The following RAP1GAP2 variants were observed in gnomAD, a reference collection of about 807,000 sequenced individuals.
RAP1GAP2 encodes the protein RAP1 GTPase activating protein 2, also known as rap1 GTPase-activating protein 2.
RAP1GAP2 carries 27 observed loss-of-function variants against 95.0 expected under a neutral mutation model. That is an observed-to-expected ratio of 0.28 (90% CI 0.21 to 0.39). The LOEUF (loss-of-function observed/expected upper bound fraction) is 0.39. Among genes scored for constraint, RAP1GAP2 ranks in the 10% least tolerant of loss-of-function variants. The pLI, the probability that RAP1GAP2 is intolerant of heterozygous loss-of-function variation, is 1.00. For missense variants in RAP1GAP2, 771 were observed against 970.0 expected (o/e 0.79, Z 2.72); for synonymous variants, 373 against 380.9 (o/e 0.98, Z 0.24).
chr17:2,848,803 C>T (rs887260384), intron 2 of RAP1GAP2, among the ~76,000 whole-genome samples: 3 of 152,178 alleles, frequency 2.0e-5, no homozygotes, highest in Admixed American at 1.3e-4. Context: ...CGTGAGCCAC[C>T]GCACCCGGCC....
At chr17:2,949,392 A>T (rs540164075) in intron 3 of RAP1GAP2, among the ~76,000 whole-genome samples, 2 of 152,352 alleles carry the variant, frequency 1.3e-5, no homozygotes, top group Non-Finnish European at 1.5e-5. Context: ...AATGCCAGTG[A>T]GTCAGTGAGC....
chr17:2,916,812 T>G (rs2042586010), intron 3 of RAP1GAP2, among the ~76,000 whole-genome samples: 1 of 152,178 alleles, frequency 6.6e-6, no homozygotes, highest in African/African-American at 2.4e-5. Context: ...CAGTCAGGGC[T>G]TCTCTCTAGG....
chr17:2,917,022 T>G (rs949969919), intron 3 of RAP1GAP2, among the ~76,000 whole-genome samples: 9 of 152,230 alleles, frequency 5.9e-5, no homozygotes, highest in Admixed American at 5.2e-4. Context: ...AACAGCTGGC[T>G]GGGTTCGTAG....
chr17:2,998,187 A>G, intron 13 of RAP1GAP2, 34 bp from the exon 14 acceptor site: 1 of 1,594,334 alleles, frequency 6.3e-7, no homozygotes, highest in Non-Finnish European at 8.6e-7. Context: ...GATTTTCCTA[A>G]CTGGCTTATA....
chr17:2,819,039 G>A (rs2070165265), intron 2 of RAP1GAP2, among the ~76,000 whole-genome samples: 1 of 149,194 alleles, frequency 6.7e-6, no homozygotes, highest in Non-Finnish European at 1.5e-5. Flanking sequence ...TTTTTTTTGA[G>A]ACAGAGTCTC....
intron 2 of RAP1GAP2, among the ~76,000 whole-genome samples, chr17:2,831,219 G>A (rs1249812181): frequency 1.4e-5 from 2 of 147,644 alleles, no homozygotes; most frequent in Non-Finnish European, 3.0e-5. Context: ...TGGGACTACA[G>A]GCACCTGCCA....
intron 8 of RAP1GAP2, among the ~76,000 whole-genome samples, chr17:2,979,803 A>T (rs1376939206): frequency 6.6e-6 from 1 of 152,018 alleles, no homozygotes; most frequent in Non-Finnish European, 1.5e-5. Context: ...CAGCATGCCT[A>T]AGTAGGATTC....
chr17:3,007,371 G>A (rs1175017303), intron 16 of RAP1GAP2, among the ~76,000 whole-genome samples: 2 of 152,228 alleles, frequency 1.3e-5, no homozygotes, highest in East Asian at 1.9e-4. Flanking sequence ...GCAGGAAGGC[G>A]GCCAGTTAGA....
chr17:3,029,316 G>T lies in RAP1GAP2; in HGVS notation c.2108-1606G>T, dbSNP rs149476651. Among the ~76,000 whole-genome samples, 1 of 152,292 alleles carries T rather than the reference G, an allele frequency of 6.6e-6. No homozygotes were observed. The highest frequency in any genetic ancestry group is 2.4e-5 in the African/African-American group (1 of 41,556). Reference sequence around the variant, plus strand: ...GCGGGTCTGGTGACTTATGGCCGGTGCTTCCCACACCACACGGTGAGGCTG... The same window carrying T: ...GCGGGTCTGGTGACTTATGGCCGGTTCTTCCCACACCACACGGTGAGGCTG... On this transcript the variant is annotated intron_variant, in intron 22 of 24. Transcript: ENST00000254695. This position sits in a 1 kb window ranked among gnomAD's most constrained non-coding sequence, Gnocchi z 4.4.
intron 2 of RAP1GAP2, among the ~76,000 whole-genome samples, chr17:2,896,425 C>T (rs1003827839): frequency 1.4e-4 from 21 of 152,240 alleles, no homozygotes; most frequent in South Asian, 4.1e-4. Flanking sequence ...GAAGGAGCAC[C>T]GGAATGGGAG....
chr17:2,919,688 C>G (rs1163918747), intron 3 of RAP1GAP2, among the ~76,000 whole-genome samples: 1 of 152,064 alleles, frequency 6.6e-6, no homozygotes, highest in African/African-American at 2.4e-5. Flanking sequence ...CCTTAGCCCT[C>G]TCCTTTTTCC....
intron 2 of RAP1GAP2, among the ~76,000 whole-genome samples, chr17:2,890,014 G>T (rs753760988): frequency 6.7e-6 from 1 of 150,346 alleles, no homozygotes; most frequent in Non-Finnish European, 1.5e-5. Context: ...GTGAGCCCCC[G>T]CACTGGCCTG....
At chr17:2,799,805 A>G (rs57282053) in intron 1 of RAP1GAP2, among the ~76,000 whole-genome samples, 43,376 of 152,062 alleles carry the variant, frequency 0.29, 6,361 homozygotes, top group South Asian at 0.37. Flanking sequence ...CTTGCCAGCC[A>G]TAAGGGCTGG....
intron 3 of RAP1GAP2, among the ~76,000 whole-genome samples, chr17:2,907,191 G>T (rs2042226700): frequency 1.3e-5 from 2 of 152,222 alleles, no homozygotes; most frequent in African/African-American, 4.8e-5. Context: ...GCACCAGAAA[G>T]ATGAAAGGCT....
chr17:2,844,684 A>G (rs2071510547), intron 2 of RAP1GAP2, among the ~76,000 whole-genome samples: 1 of 152,168 alleles, frequency 6.6e-6, no homozygotes, highest in Admixed American at 6.5e-5. Context: ...GATCATTAAC[A>G]CATCAGTGAC....
upstream of RAP1GAP2, among the ~76,000 whole-genome samples, chr17:2,776,338 C>G (rs183216437): frequency 6.6e-6 from 1 of 152,220 alleles, no homozygotes; most frequent in Non-Finnish European, 1.5e-5. Context: ...CAGGAGCCCC[C>G]AGGCCTCACC....
chr17:2,955,929 A>G (rs141827774), intron 3 of RAP1GAP2, among the ~76,000 whole-genome samples: 11 of 152,322 alleles, frequency 7.2e-5, no homozygotes, highest in Non-Finnish European at 1.2e-4. Flanking sequence ...TGCTGCAGTG[A>G]ACATTTGAGC....
At chr17:2,882,764 G>A (rs9909521) in intron 2 of RAP1GAP2, among the ~76,000 whole-genome samples, 32,001 of 152,002 alleles carry the variant, frequency 0.21, 3,456 homozygotes, top group African/African-American at 0.24. Flanking sequence ...ATCATGCTTC[G>A]GGGTGGAGTG....
In RAP1GAP2 at chr17:2,827,665, G is replaced by A. The variant is rs914854830; in HGVS notation, c.80+27115G>A. Among the ~76,000 whole-genome samples the A allele has an allele frequency of 2.0e-5, 3 of 151,986 alleles. No individual in the cohort carries two copies. Among genetic ancestry groups the A allele is most frequent in the Non-Finnish European group, 4.4e-5 (3 of 67,972 alleles). On this transcript the variant is annotated intron_variant, in intron 2 of 24. Coordinates refer to ENST00000254695, the MANE Select transcript of RAP1GAP2 (RefSeq NM_015085.5). The surrounding 1 kb of genome is among the most constrained non-coding windows in gnomAD (Gnocchi z 4.1). ...TCTACTAAAAATACAAAAATTAGCC[G>A]GGCGTGGTGGTACCTGCCTGTAATC...
Sources: gnomAD v4.1 joint callset for allele counts (sites outside exome capture counted in the v4.1 genomes callset) on GRCh38, gnomAD v4.1.1 for gene constraint, Gnocchi (gnomAD v3.1) non-coding constraint, MANE v1.5 for transcripts, NCBI Gene and HGNC (gene_info 2026-07-23, HGNC 2026-07-21) for gene names.